TPRX1: variants seen among roughly 807,000 people sequenced by gnomAD.
The protein encoded by TPRX1 is tetrapeptide repeat homeobox 1, also known as tetra-peptide repeat homeobox protein 1.
A neutral mutation model predicts 8.1 loss-of-function variants in TPRX1; 2 were observed. The ratio of observed to expected loss-of-function variants is 0.25; its 90% CI spans 0.10 to 0.78. The LOEUF is 0.78. Ranked by LOEUF, TPRX1 falls within the 30% of genes least tolerant of loss-of-function variation. The probability of loss-of-function intolerance (pLI) is 0.70; values close to 1 mark genes in which losing one functional copy is unlikely to be tolerated. For synonymous variants in TPRX1, 257 were observed against 254.1 expected (o/e 1.01, Z -0.11); for missense variants, 517 against 586.9 (o/e 0.88, Z 1.23).
intron 2 of TPRX1, among the ~76,000 whole-genome samples, chr19:47,813,022 G>T (rs148542229): frequency 1.3e-5 from 2 of 151,736 alleles, no homozygotes; most frequent in African/African-American, 4.8e-5. Context: ...CAGGAGAATC[G>T]CTTGAACCCA....
At chr19:47,804,491 C>T (rs1474350509) in intron 2 of TPRX1, among the ~76,000 whole-genome samples, 24 bp downstream of exon 1, 1 of 152,230 alleles carries the variant, frequency 6.6e-6, no homozygotes, top group African/African-American at 2.4e-5. Context: ...AGCCCAGACC[C>T]CTCACACCTC....
At chr19:47,805,230 G>A (rs1967725087) in intron 2 of TPRX1, among the ~76,000 whole-genome samples, 1 of 152,202 alleles carries the variant, frequency 6.6e-6, no homozygotes, top group South Asian at 2.1e-4. Flanking sequence ...CTCCTGGAGA[G>A]TAAATGACCT....
exon 4 of TPRX1, chr19:47,801,605 G>C (rs1967663397): frequency 1.3e-6 from 1 of 740,980 alleles, no homozygotes; most frequent in Non-Finnish European, 2.1e-6. Context: ...ATGACAGGCA[G>C]GCACATTCAC....
chr19:47,810,877 A>T (rs1481160833), intron 2 of TPRX1, among the ~76,000 whole-genome samples: 2 of 150,430 alleles, frequency 1.3e-5, no homozygotes. Flanking sequence ...AGTGGGGGTG[A>T]CAAAGGCATG....
rs911472059 is a variant in TPRX1 at position 47,803,016 on chromosome 19, G to A, written c.322-36C>T. On this transcript the variant is annotated intron_variant, in intron 3 of 3. Transcript: ENST00000535759. Reference sequence around the variant, plus strand: ...GAGGGGACAGGGAGAAGGTGTGAAGGAGGGGCTCGCGCGGCCCAGTGAGCC... The same window carrying A: ...GAGGGGACAGGGAGAAGGTGTGAAGAAGGGGCTCGCGCGGCCCAGTGAGCC... 5.3e-6 allele frequency: 8 copies of A among 1,522,532 alleles called. No homozygotes were observed. The African/African-American group carries it at 9.6e-5, about 18-fold the overall frequency. The allele number at this position is 1,522,532 out of a possible 1,614,324, so 94.3% of individuals were successfully genotyped here. A position where few individuals can be genotyped will look rare whatever the true frequency, so the allele number is the denominator to read the frequency against.
chr19:47,802,177 T>C, exon 4 of TPRX1: 1 of 1,607,090 alleles, frequency 6.2e-7, no homozygotes, highest in Non-Finnish European at 8.5e-7. Flanking sequence ...GGAGTCTGCC[T>C]GGGCCTGGGA....
intron 2 of TPRX1, among the ~76,000 whole-genome samples, chr19:47,815,131 T>TATATATATATATATATATATATGCAA: frequency 9.0e-6 from 1 of 111,480 alleles, no homozygotes; most frequent in African/African-American, 3.7e-5. Context: ...TATATATATA[T>TATATATATATATATATATATATGCAA]ATATATATAT....
At chr19:47,816,451 A>G (rs1260579517) in intron 2 of TPRX1, among the ~76,000 whole-genome samples, 2 of 141,292 alleles carry the variant, frequency 1.4e-5, no homozygotes, top group South Asian at 4.6e-4. Context: ...GGGTCTCACT[A>G]TGTTGCCCAG....
intron 2 of TPRX1, among the ~76,000 whole-genome samples, chr19:47,810,344 A>ATTTT (rs762098389): frequency 9.6e-5 from 9 of 93,324 alleles, no homozygotes; most frequent in Non-Finnish European, 1.8e-4. Context: ...TTATCCATCA[A>ATTTT]TTTTTTTTTT....
chr19:47,816,752 T>A (rs540114899), intron 2 of TPRX1, among the ~76,000 whole-genome samples: 16 of 151,950 alleles, frequency 1.1e-4, no homozygotes, highest in Admixed American at 3.3e-4. Context: ...CAGGATGGTC[T>A]CGATCTCCTG....
rs1967742702 is a variant in TPRX1, at chr19:47,807,167, A to G, written c.152-3494T>C. 3.3e-5 allele frequency among the ~76,000 whole-genome samples: 5 copies of G among 152,188 alleles called. No individual in the cohort carries two copies. The South Asian group carries it at 8.3e-4, about 25-fold the overall frequency. On this transcript the variant is annotated intron_variant, in intron 2 of 3. Coordinates refer to ENST00000535759, the Ensembl canonical transcript of TPRX1. ...GTGATCCACCCATCTCGGCCTCCCA[A>G]AGTGCTGGGATTACAGGTGTGAAAC... is the stretch of plus-strand genomic sequence containing the variant.
chr19:47,815,123 T>TATATATATATATATATGCAA (rs1555800007), intron 2 of TPRX1, among the ~76,000 whole-genome samples: 57 of 93,808 alleles, frequency 6.1e-4, no homozygotes, highest in Admixed American at 1.6e-3. Context: ...ATTATATATA[T>TATATATATATATATATGCAA]ATATATATAT....
At chr19:47,804,088 C>T (rs1166859248) in intron 2 of TPRX1, among the ~76,000 whole-genome samples, 1 of 150,286 alleles carries the variant, frequency 6.7e-6, no homozygotes, top group Non-Finnish European at 1.5e-5. Context: ...GGGGATCTCG[C>T]TCTGTCACCC....
At chr19:47,803,469 G>A (rs1284753149) in intron 3 of TPRX1, 35 bp downstream of exon 2, 2 of 1,362,584 alleles carry the variant, frequency 1.5e-6, no homozygotes, top group African/African-American at 3.3e-5. Flanking sequence ...TCCTTGGGGT[G>A]ACTGGGGCGG....
chr19:47,812,974 G>T (rs1308827809), intron 2 of TPRX1, among the ~76,000 whole-genome samples: 3 of 151,768 alleles, frequency 2.0e-5, no homozygotes. Flanking sequence ...AGGTATGGTG[G>T]CACGCGCCTG....
intron 2 of TPRX1, among the ~76,000 whole-genome samples, chr19:47,808,502 A>G (rs1441911361): frequency 6.6e-6 from 1 of 151,046 alleles, no homozygotes; most frequent in Admixed American, 6.6e-5. Context: ...ACTTTAATGC[A>G]GATATCGGCT....
At chr19:47,813,160 C>T (rs971843603) in intron 2 of TPRX1, among the ~76,000 whole-genome samples, 7 of 132,418 alleles carry the variant, frequency 5.3e-5, no homozygotes, top group Non-Finnish European at 1.0e-4. Context: ...TAAAACAACC[C>T]CCCCCACCCC....
intron 2 of TPRX1, among the ~76,000 whole-genome samples, chr19:47,812,801 A>T (rs772552165): frequency 1.0e-4 from 15 of 150,502 alleles, no homozygotes; most frequent in Admixed American, 2.0e-4. Flanking sequence ...AAACCCCCCA[A>T]AACCAAAAAC....
chr19:47,803,116 GC>G (rs1279450399), intron 3 of TPRX1, 136 bp from the exon 3 acceptor site: 4 of 801,904 alleles, frequency 5.0e-6, no homozygotes, highest in South Asian at 1.8e-5. Context: ...CCAAAAGAGG[GC>G]CCCGGCTCCA....
Sources: allele counts gnomAD v4.1 joint callset (sites outside exome capture counted in the v4.1 genomes callset), GRCh38; gene constraint gnomAD v4.1.1; transcripts MANE v1.5; gene names NCBI Gene and HGNC (gene_info 2026-07-23, HGNC 2026-07-21).